The following RASAL2 variants were observed in gnomAD, a reference collection of about 807,000 sequenced individuals.
RASAL2 encodes the protein ras GTPase-activating protein nGAP.
A neutral mutation model predicts 128.9 loss-of-function variants in RASAL2; 58 were observed. The ratio of observed to expected loss-of-function variants is 0.45; its 90% CI spans 0.36 to 0.56. The LOEUF is 0.56. Ranked by LOEUF, RASAL2 falls within the 20% of genes least tolerant of loss-of-function variation. The pLI is 0.00. For synonymous variants in RASAL2, 561 were observed against 580.8 expected, an observed-to-expected ratio of 0.97 and a Z score of 0.49; for missense variants, 1,360 against 1,601.6, an observed-to-expected ratio of 0.85 and a Z score of 2.57.
rs575595750 is a variant in RASAL2, at chr1:178,186,960, A to ACTACAAGCATGG, written c.202+92277_202+92278insGCTACAAGCATG. ...CGCCTCAACTTTCTGAGTAGTTAGG[A>ACTACAAGCATGG]CTACAAGCATGTGCCACCATGCCTT... is the stretch of plus-strand genomic sequence containing the variant. On this transcript the variant is annotated intron_variant, in intron 1 of 17. Coordinates refer to ENST00000367649, the MANE Select transcript of RASAL2 (RefSeq NM_170692.4). Among the ~76,000 whole-genome samples, 231 of 151,984 alleles carry ACTACAAGCATGG rather than the reference A, an allele frequency of 1.5e-3. 1 individual carries two copies. Among genetic ancestry groups the ACTACAAGCATGG allele is most frequent in the African/African-American group, 5.3e-3 (221 of 41,472 alleles).
rs1557993305 is a variant in RASAL2 at position 178,442,885 on chromosome 1, T to G, written c.1138T>G (p.Tyr380Asp). 1.9e-6 allele frequency: 3 copies of G among 1,613,770 alleles called. No individual in the cohort carries two copies. In the African/African-American group the frequency reaches 4.0e-5, roughly 22 times the overall value. Reference protein sequence around the residue: ...PPLHSITVHIYKDVEKKKKKD... With the variant: ...PPLHSITVHIDKDVEKKKKKD... ...TCTTCATAGTATCACAGTTCACATT[T>G]ACAAGGATGTGGAAAAAAAGAAAAA... The change falls in exon 8 of 18, where the codon TAC becomes GAC. Residue 380 changes from tyrosine to aspartate, a missense_variant. Tyr to Asp is a radical substitution (Grantham distance 160, BLOSUM62 -3). Coordinates refer to ENST00000367649, the MANE Select transcript of RASAL2 (RefSeq NM_170692.4).
At chr1:178,371,365 C>A (rs1353574028) in intron 3 of RASAL2, among the ~76,000 whole-genome samples, 1 of 149,550 alleles carries the variant, frequency 6.7e-6, no homozygotes, top group African/African-American at 2.5e-5. Context: ...TACACACACA[C>A]ACACACACAC....
chr1:178,368,152 CTG>C (rs1358193817), intron 3 of RASAL2, among the ~76,000 whole-genome samples: 1 of 152,174 alleles, frequency 6.6e-6, no homozygotes, highest in Non-Finnish European at 1.5e-5. Flanking sequence ...AAATTGGTCT[CTG>C]TGGAATATGG....
intron 3 of RASAL2, among the ~76,000 whole-genome samples, chr1:178,311,400 A>G (rs1473343625): frequency 6.6e-6 from 1 of 152,078 alleles, no homozygotes; most frequent in African/African-American, 2.4e-5. Context: ...TTTACCACAG[A>G]ATCTTTAAAT....
At position 178,151,065 on chromosome 1, in the gene RASAL2, G is replaced by A. The variant is rs1660898158; in HGVS notation, c.202+56371G>A. ...GTGTTGAATAAGCTTTATTTAGACTGTTGACCATGAGTTCAATGTTAATGA... is the reference window on the plus strand; with the variant it reads ...GTGTTGAATAAGCTTTATTTAGACTATTGACCATGAGTTCAATGTTAATGA... On this transcript the variant is annotated intron_variant, in intron 1 of 17. Coordinates refer to ENST00000367649, the MANE Select transcript of RASAL2 (RefSeq NM_170692.4). 1.3e-5 allele frequency among the ~76,000 whole-genome samples: 2 copies of A among 152,086 alleles called. 1 individual carries two copies. The highest frequency in any genetic ancestry group is 4.2e-4 in the South Asian group (2 of 4,816).
At chr1:178,306,244 T>C (rs1288724779) in intron 3 of RASAL2, among the ~76,000 whole-genome samples, 1 of 152,216 alleles carries the variant, frequency 6.6e-6, no homozygotes, top group Non-Finnish European at 1.5e-5. Flanking sequence ...TTTTTATGGC[T>C]GCATAGTATT....
intron 1 of RASAL2, among the ~76,000 whole-genome samples, chr1:178,154,270 C>T (rs1421486074): frequency 1.3e-5 from 2 of 152,000 alleles, no homozygotes; most frequent in Non-Finnish European, 2.9e-5. Flanking sequence ...TCTCAGCCTT[C>T]TAAGTAGCTG....
chr1:178,233,529 A>C (rs2102028671), intron 1 of RASAL2, among the ~76,000 whole-genome samples: 1 of 152,310 alleles, frequency 6.6e-6, no homozygotes, highest in Non-Finnish European at 1.5e-5. Context: ...CAAAAGGGAG[A>C]GATTGCAGAG....
intron 3 of RASAL2, among the ~76,000 whole-genome samples, chr1:178,387,447 A>G (rs979321007): frequency 1.3e-5 from 2 of 152,026 alleles, no homozygotes; most frequent in East Asian, 1.9e-4. Flanking sequence ...ATATGTATAC[A>G]TGTGCCATGT....
At chr1:178,274,724 A>T (rs1042513027) in intron 1 of RASAL2, among the ~76,000 whole-genome samples, 2 of 152,026 alleles carry the variant, frequency 1.3e-5, no homozygotes, top group African/African-American at 4.8e-5. Flanking sequence ...AGTAGTTGGG[A>T]CTAAAGGTGC....
chr1:178,395,006 A>G (rs1358418607), intron 4 of RASAL2, among the ~76,000 whole-genome samples: 1 of 152,174 alleles, frequency 6.6e-6, no homozygotes, highest in Non-Finnish European at 1.5e-5. Flanking sequence ...TCTGTTTTGA[A>G]TCCTCTATAA....
At chr1:178,421,973 AT>A (rs979320579) in intron 5 of RASAL2, among the ~76,000 whole-genome samples, 70 of 152,144 alleles carry the variant, frequency 4.6e-4, no homozygotes, top group African/African-American at 1.6e-3. Flanking sequence ...AATTCAAAGC[AT>A]TTTATTAATG....
intron 3 of RASAL2, among the ~76,000 whole-genome samples, chr1:178,380,444 T>G (rs913214402): frequency 3.3e-5 from 5 of 152,072 alleles, no homozygotes; most frequent in African/African-American, 1.2e-4. Flanking sequence ...ACTAGAAAAT[T>G]TATTAATTTA....
At chr1:178,336,706 C>T (rs374434147) in intron 3 of RASAL2, among the ~76,000 whole-genome samples, 2 of 151,694 alleles carry the variant, frequency 1.3e-5, no homozygotes, top group East Asian at 3.9e-4. Context: ...TTTGTTTAAA[C>T]TCCCTTTTTA....
intron 1 of RASAL2, among the ~76,000 whole-genome samples, chr1:178,249,995 A>T (rs1056430224): frequency 1.3e-5 from 2 of 151,792 alleles, no homozygotes; most frequent in African/African-American, 4.8e-5. Context: ...GGGTCTGTCA[A>T]CCCCTGTTGT....
At chr1:178,277,146 T>C (rs1409703275) in intron 1 of RASAL2, among the ~76,000 whole-genome samples, 1 of 47,294 alleles carries the variant, frequency 2.1e-5, no homozygotes. Flanking sequence ...AGATTCCCTC[T>C]CAAAAAAAAA....
intron 3 of RASAL2, among the ~76,000 whole-genome samples, chr1:178,365,093 C>A (rs1367726091): frequency 6.6e-6 from 1 of 151,636 alleles, no homozygotes; most frequent in East Asian, 1.9e-4. Context: ...TCTTGATAGC[C>A]TTTTTCACTG....
chr1:178,099,458 T>C (rs944072151), intron 1 of RASAL2, among the ~76,000 whole-genome samples: 1 of 152,214 alleles, frequency 6.6e-6, no homozygotes. Context: ...AGAGAAAATT[T>C]GTATGTCTTA....
chr1:178,215,857 C>CT (rs1365617507), intron 1 of RASAL2, among the ~76,000 whole-genome samples: 1 of 152,006 alleles, frequency 6.6e-6, no homozygotes, highest in African/African-American at 2.4e-5. Flanking sequence ...TCCATCTAGC[C>CT]TTACTTAAAG....
Sources: allele counts gnomAD v4.1 joint callset (sites outside exome capture counted in the v4.1 genomes callset), GRCh38; gene constraint gnomAD v4.1.1; transcripts MANE v1.5; gene names NCBI Gene and HGNC (gene_info 2026-07-23, HGNC 2026-07-21).